C1orf159: variants seen among roughly 807,000 people sequenced by gnomAD.
C1orf159 encodes chromosome 1 open reading frame 159.
A neutral mutation model predicts 25.6 loss-of-function variants in C1orf159; 19 were observed. The observed-to-expected ratio is 0.74, with a 90% CI of 0.52 to 1.09. C1orf159 has a LOEUF of 1.09. C1orf159 is among the 50% of genes least tolerant of loss of function. C1orf159 has a pLI of 0.00. For missense variants in C1orf159, 274 were observed against 290.6 expected (o/e 0.94, Z 0.42); for synonymous variants, 139 against 124.7 (o/e 1.12, Z -0.77).
Position 1,091,447 on chromosome 1 carries a change from G to A in C1orf159, c.72+25C>T, listed in dbSNP as rs752157767. ...CCACAGAGGCTCTGGCTTAGGCCGC[G>A]TGGACACGTGAGGGGGGCACCTACC... On this transcript the variant is annotated intron_variant, in intron 3 of 9. Transcript: ENST00000421241. 484 of 1,546,832 alleles carry A rather than the reference G, an allele frequency of 3.1e-4. 1 individual carries two copies. Among genetic ancestry groups the A allele is most frequent in the Non-Finnish European group, 3.9e-4 (443 of 1,143,710 alleles).
At chr1:1,107,945 C>T (rs908075152) in intron 1 of C1orf159, among the ~76,000 whole-genome samples, 1 of 152,224 alleles carries the variant, frequency 6.6e-6, no homozygotes. Context: ...AAGGAACAAA[C>T]TCCGGACACA....
chr1:1,084,945 G>A (rs1570299946), intron 7 of C1orf159, among the ~76,000 whole-genome samples: 2 of 152,062 alleles, frequency 1.3e-5, no homozygotes, highest in African/African-American at 4.8e-5. Context: ...TGGTGCCCCC[G>A]CGATGGGGGT....
intron 1 of C1orf159, among the ~76,000 whole-genome samples, chr1:1,100,292 T>C (rs530317213): frequency 1.3e-5 from 2 of 150,358 alleles, no homozygotes; most frequent in Middle Eastern, 3.5e-3. Context: ...ATATAATTAC[T>C]GTTATGGGTA....
At chr1:1,098,259 T>C (rs541263690) in intron 1 of C1orf159, among the ~76,000 whole-genome samples, 36 of 152,100 alleles carry the variant, frequency 2.4e-4, no homozygotes, top group Non-Finnish European at 4.6e-4. Context: ...TTAGTAGAGA[T>C]GGGGTTTCAC....
chr1:1,083,895 C>T (rs1645784072), intron 9 of C1orf159: 1 of 1,554,834 alleles, frequency 6.4e-7, no homozygotes, highest in East Asian at 2.4e-5. Context: ...TGTGGCCCCG[C>T]ACATAAAATG....
intron 1 of C1orf159, among the ~76,000 whole-genome samples, chr1:1,098,073 CA>C (rs1055812170): frequency 1.3e-5 from 2 of 151,618 alleles, no homozygotes; most frequent in African/African-American, 4.9e-5. Flanking sequence ...ACCTGAGTTA[CA>C]AATTTTTTTT....
chr1:1,084,307 C>A, intron 9 of C1orf159, 46 bp downstream of exon 9: 1 of 1,525,936 alleles, frequency 6.6e-7, no homozygotes, highest in Non-Finnish European at 8.8e-7. Context: ...CTGGGACTGG[C>A]CCAGAGATGG....
intron 1 of C1orf159, among the ~76,000 whole-genome samples, chr1:1,102,630 A>T (rs1296663697): frequency 7.0e-6 from 1 of 143,828 alleles, no homozygotes; most frequent in Non-Finnish European, 1.5e-5. Flanking sequence ...AAAAAAAAAA[A>T]AAAAAAAAAA....
rs1645887652 is a variant in C1orf159, at chr1:1,089,300, G to A, written c.148+1053C>T. Among the ~76,000 whole-genome samples the A allele has an allele frequency of 6.6e-6, 1 of 152,146 alleles. No individual in the cohort carries two copies. Among genetic ancestry groups the A allele is most frequent in the African/African-American group, 2.4e-5 (1 of 41,420 alleles). On this transcript the variant is annotated intron_variant, in intron 4 of 9. Coordinates refer to ENST00000421241, the MANE Select transcript of C1orf159 (RefSeq NM_017891.5). This position sits in a 1 kb window ranked among gnomAD's most constrained non-coding sequence, Gnocchi z 7.5. ...CTGCCTGCACCCACAGAGTGCCTGG[G>A]GTACACAATCCCTCACAGGAGACGC...
intron 7 of C1orf159, among the ~76,000 whole-genome samples, chr1:1,085,528 G>A (rs1645814667): frequency 1.2e-5 from 1 of 81,338 alleles, no homozygotes; most frequent in Non-Finnish European, 2.9e-5. Context: ...TGCTGGAGGA[G>A]CCCAGGCAAG....
chr1:1,100,375 T>G (rs1646083411), intron 1 of C1orf159, among the ~76,000 whole-genome samples: 1 of 152,216 alleles, frequency 6.6e-6, no homozygotes, highest in African/African-American at 2.4e-5. Flanking sequence ...TCAGTGATTT[T>G]AGGTTCATAG....
chr1:1,084,308 C>T (rs1645793499), intron 9 of C1orf159, 45 bp downstream of exon 9: 1 of 1,525,690 alleles, frequency 6.6e-7, no homozygotes, highest in Admixed American at 2.2e-5. Flanking sequence ...TGGGACTGGC[C>T]CAGAGATGGG....
intron 3 of C1orf159, 107 bp from the exon 4 acceptor site, chr1:1,090,535 A>G: frequency 8.5e-7 from 1 of 1,171,246 alleles, no homozygotes; most frequent in Non-Finnish European, 1.2e-6. Context: ...CAATGTCCGC[A>G]GCTCCGGCCT....
chr1:1,102,747 G>A lies in C1orf159; in HGVS notation c.-135-10644C>T, dbSNP rs1048445044. Among the ~76,000 whole-genome samples, 11 of 151,286 alleles carry A rather than the reference G, an allele frequency of 7.3e-5. No individual in the cohort carries two copies. The East Asian group carries it at 1.8e-3, about 24-fold the overall frequency. ...TGGGAGGCAGAAGTTGCAGTGAGAC[G>A]AGATCGTGCCACTGAACTCCAGCCT... On this transcript the variant is annotated intron_variant, in intron 1 of 9. Coordinates refer to ENST00000421241, the MANE Select transcript of C1orf159 (RefSeq NM_017891.5).
chr1:1,098,598 C>G (rs770749429), intron 1 of C1orf159, among the ~76,000 whole-genome samples: 13 of 152,110 alleles, frequency 8.5e-5, no homozygotes, highest in African/African-American at 3.1e-4. Context: ...GTATCATGTG[C>G]ACTTAGGAGT....
intron 1 of C1orf159, among the ~76,000 whole-genome samples, chr1:1,113,556 T>A (rs1646290450): frequency 6.6e-6 from 1 of 152,084 alleles, no homozygotes; most frequent in Non-Finnish European, 1.5e-5. Context: ...ATGTCCCACT[T>A]CTGACACCAA....
chr1:1,094,264 C>T (rs1038454303), intron 1 of C1orf159, among the ~76,000 whole-genome samples: 3 of 152,004 alleles, frequency 2.0e-5, no homozygotes, highest in Admixed American at 6.6e-5. Flanking sequence ...TGTTGACCTC[C>T]GGGGCTTAAG....
intron 4 of C1orf159, 144 bp downstream of exon 4, chr1:1,090,209 C>T (rs1645905781): frequency 5.9e-6 from 5 of 850,954 alleles, no homozygotes; most frequent in African/African-American, 3.4e-5. Flanking sequence ...TCCCCAAGCT[C>T]CACAGCCCTC....
chr1:1,082,430 ACCAGC>A lies in C1orf159; in HGVS notation c.*458_*462del, dbSNP rs781743141. 9.0e-4 allele frequency: 164 copies of A among 182,652 alleles called. No homozygotes were observed. The highest frequency in any genetic ancestry group is 2.1e-3 in the Admixed American group (39 of 18,266). The allele number at this position is 182,652 out of a possible 1,614,324, so 11.3% of individuals were successfully genotyped here. On this transcript the variant is annotated 3_prime_UTR_variant, in exon 10 of 10. Coordinates refer to ENST00000421241, the MANE Select transcript of C1orf159 (RefSeq NM_017891.5). ...GGGCACCGGCTGGAACGGCACGAGG[ACCAGC>A]CTCACTGTTCTCAGAGGGGTCTCGG...
Sources: gnomAD v4.1 joint callset for allele counts (sites outside exome capture counted in the v4.1 genomes callset) on GRCh38, gnomAD v4.1.1 for gene constraint, Gnocchi (gnomAD v3.1) non-coding constraint, MANE v1.5 for transcripts, NCBI Gene and HGNC (gene_info 2026-07-23, HGNC 2026-07-21) for gene names.